COL24A1: variants seen among roughly 807,000 people sequenced by gnomAD.
COL24A1 encodes collagen alpha-1(XXIV) chain.
A neutral mutation model predicts 253.9 loss-of-function variants in COL24A1; 224 were observed. The ratio of observed to expected loss-of-function variants is 0.88; its 90% CI spans 0.79 to 0.99. COL24A1 has a LOEUF of 0.99. COL24A1 is among the 50% of genes least tolerant of loss of function. The pLI is 0.00. For synonymous variants in COL24A1, 685 were observed against 673.7 expected (o/e 1.02, Z -0.26); for missense variants, 2,131 against 2,068.5 (o/e 1.03, Z -0.59).
At chr1:85,908,692 G>A (rs748486916) in intron 26 of COL24A1, 41 bp from the exon 27 acceptor site, 2 of 901,924 alleles carry the variant, frequency 2.2e-6, no homozygotes, top group Non-Finnish European at 1.6e-6. Context: ...AAATATTCAT[G>A]ACTTTAAATT....
chr1:85,732,236 T>TTTC (rs1663557447), intron 59 of COL24A1, among the ~76,000 whole-genome samples: 1 of 147,262 alleles, frequency 6.8e-6, no homozygotes, highest in South Asian at 2.2e-4. Flanking sequence ...TTTCTTTTCT[T>TTTC]TTTTTTTTTT....
At chr1:86,009,650 G>A (rs953367701) in intron 19 of COL24A1, among the ~76,000 whole-genome samples, 1 of 152,146 alleles carries the variant, frequency 6.6e-6, no homozygotes, top group African/African-American at 2.4e-5. Flanking sequence ...GGGGCCAACA[G>A]GATCAGAAGT....
At chr1:85,987,747 A>C (rs1693853633) in intron 19 of COL24A1, 93 bp from the exon 20 acceptor site, 2 of 1,019,568 alleles carry the variant, frequency 2.0e-6, no homozygotes, top group Non-Finnish European at 2.9e-6. Flanking sequence ...CTCCATATCC[A>C]GTTAAAGCAA....
chr1:86,110,673 G>A (rs1705470940), intron 5 of COL24A1, among the ~76,000 whole-genome samples: 1 of 152,140 alleles, frequency 6.6e-6, no homozygotes, highest in Non-Finnish European at 1.5e-5. Flanking sequence ...GCAGTGAGGG[G>A]CTTAGCACCC....
chr1:86,090,043 C>T (rs1703378372), intron 6 of COL24A1, among the ~76,000 whole-genome samples: 1 of 152,136 alleles, frequency 6.6e-6, no homozygotes, highest in African/African-American at 2.4e-5. Flanking sequence ...TGCCTTCCAT[C>T]CTGCGTGCCA....
chr1:85,851,456 A>G (rs1015296741), intron 37 of COL24A1, among the ~76,000 whole-genome samples: 1 of 152,136 alleles, frequency 6.6e-6, no homozygotes, highest in African/African-American at 2.4e-5. Flanking sequence ...TTTATAGGGT[A>G]TGTACCCTGG....
intron 7 of COL24A1, among the ~76,000 whole-genome samples, chr1:86,084,072 A>C (rs1702873034): frequency 6.6e-6 from 1 of 152,174 alleles, no homozygotes; most frequent in African/African-American, 2.4e-5. Context: ...CAATGCATTG[A>C]GGAATACAAC....
At chr1:86,100,218 T>C (rs977298864) in intron 5 of COL24A1, among the ~76,000 whole-genome samples, 1 of 152,152 alleles carries the variant, frequency 6.6e-6, no homozygotes, top group Non-Finnish European at 1.5e-5. Flanking sequence ...TCTTCAAAGA[T>C]TGAATCAAGG....
intron 18 of COL24A1, 35 bp downstream of exon 18, chr1:86,022,205 C>G (rs778958663): frequency 4.4e-5 from 70 of 1,580,356 alleles, no homozygotes; most frequent in Non-Finnish European, 6.1e-5. Flanking sequence ...TGCACTCTGT[C>G]AATTACAAAG....
intron 27 of COL24A1, 85 bp from the exon 28 acceptor site, chr1:85,907,332 T>A: frequency 8.8e-7 from 1 of 1,132,988 alleles, no homozygotes; most frequent in South Asian, 1.3e-5. Flanking sequence ...ATAACATATA[T>A]CCTTCTCCCA....
chr1:85,746,770 A>G (rs1300411107), intron 55 of COL24A1, among the ~76,000 whole-genome samples: 2 of 152,206 alleles, frequency 1.3e-5, no homozygotes. Context: ...AGACAGAAGG[A>G]GCATGGACTA....
At chr1:86,001,211 GA>G (rs893301693) in intron 19 of COL24A1, among the ~76,000 whole-genome samples, 2 of 152,096 alleles carry the variant, frequency 1.3e-5, no homozygotes, top group Non-Finnish European at 2.9e-5. Context: ...ATTAAGAAGA[GA>G]AAAAAATCTT....
At chr1:86,010,500 A>T (rs185092892) in intron 19 of COL24A1, among the ~76,000 whole-genome samples, 54 of 152,320 alleles carry the variant, frequency 3.5e-4, no homozygotes, top group African/African-American at 1.3e-3. Flanking sequence ...TGTCATAATT[A>T]GAGAAATGTT....
Position 85,906,262 on chromosome 1 carries a change from G to GTTTTTTTTTTTTTTTTTTTTTTTT in COL24A1, c.2778+931_2778+932insAAAAAAAAAAAAAAAAAAAAAAAA, listed in dbSNP as rs1438385660. Among the ~76,000 whole-genome samples the GTTTTTTTTTTTTTTTTTTTTTTTT allele has an allele frequency of 2.2e-3, 31 of 14,002 alleles. 1 individual carries two copies. The highest frequency in any genetic ancestry group is 6.6e-3 in the African/African-American group (23 of 3,506). The allele number at this position is 14,002 out of a possible 152,430, so 9.2% of individuals were successfully genotyped here. A position where few individuals can be genotyped will look rare whatever the true frequency, so the allele number is the denominator to read the frequency against. On this transcript the variant is annotated intron_variant, in intron 28 of 59. Coordinates refer to ENST00000370571, the MANE Select transcript of COL24A1 (RefSeq NM_152890.7). The stretch of plus-strand genomic sequence containing the variant: ...CATTTGCCAACTGGAAAACTGCAAG[G>GTTTTTTTTTTTTTTTTTTTTTTTT]TCTTTTTTTTTTTTTACCATGGTTA...
chr1:85,996,567 C>T (rs1193818860), intron 19 of COL24A1, among the ~76,000 whole-genome samples: 7 of 151,882 alleles, frequency 4.6e-5, no homozygotes, highest in South Asian at 2.1e-4. Flanking sequence ...ACCCTGGGGG[C>T]GGAGGTTGCA....
chr1:85,809,085 A>G (rs905090705), intron 47 of COL24A1, among the ~76,000 whole-genome samples: 2 of 152,192 alleles, frequency 1.3e-5, no homozygotes, highest in African/African-American at 4.8e-5. Context: ...CTTATGTTCT[A>G]CAATAGTGAT....
chr1:86,063,260 A>T (rs1324896), intron 8 of COL24A1, among the ~76,000 whole-genome samples: 8,828 of 152,070 alleles, frequency 0.058, 540 homozygotes, highest in African/African-American at 0.15. Context: ...ATTTATTTGC[A>T]TTTCCTCAGG....
rs531165704 is a variant in COL24A1, at chr1:85,798,607, C to T, written c.3952-12146G>A. Among the ~76,000 whole-genome samples the T allele has an allele frequency of 7.9e-5, 12 of 152,280 alleles. No individual in the cohort carries two copies. In the East Asian group the frequency reaches 2.3e-3, roughly 29 times the overall value. On this transcript the variant is annotated intron_variant, in intron 47 of 59. Transcript: ENST00000370571. Reference sequence around the variant, plus strand: ...ACAGCCCAGATGGGTGGCAGGGTAGCTGGATTTCCTAATAGAAGCTTCGAT... The same window carrying T: ...ACAGCCCAGATGGGTGGCAGGGTAGTTGGATTTCCTAATAGAAGCTTCGAT...
At chr1:86,078,679 G>A (rs1170252747) in intron 7 of COL24A1, among the ~76,000 whole-genome samples, 1 of 151,640 alleles carries the variant, frequency 6.6e-6, no homozygotes, top group Non-Finnish European at 1.5e-5. Flanking sequence ...ATGAACAATT[G>A]GAAAAAGAAA....
Sources: allele counts gnomAD v4.1 joint callset (sites outside exome capture counted in the v4.1 genomes callset), GRCh38; gene constraint gnomAD v4.1.1; transcripts MANE v1.5; gene names NCBI Gene and HGNC (gene_info 2026-07-23, HGNC 2026-07-21).